SYK: variants seen among roughly 807,000 people sequenced by gnomAD.
The protein encoded by SYK is tyrosine-protein kinase SYK.
Under a neutral mutation model 77.8 loss-of-function variants are expected in SYK, and 16 were observed. The observed-to-expected ratio is 0.21, with a 90% CI of 0.14 to 0.31. The LOEUF is 0.31. SYK is among the 10% of genes least tolerant of loss of function. The pLI is 1.00. For missense variants in SYK, 529 were observed against 814.4 expected, an observed-to-expected ratio of 0.65 and a Z score of 4.26; for synonymous variants, 312 against 308.7, an observed-to-expected ratio of 1.01 and a Z score of -0.11.
chr9:90,864,937 C>A (rs536568786), intron 5 of SYK, 111 bp from the exon 6 acceptor site: 3 of 1,091,580 alleles, frequency 2.7e-6, no homozygotes, highest in Admixed American at 3.7e-5. Context: ...AAAGCGTGCT[C>A]ACTTCTCAAG....
Position 90,804,279 on chromosome 9 carries a change from A to G in SYK, c.-42+2386A>G, listed in dbSNP as rs560773046. ...AGAGTGGATGTCTCATCTTTGTAAT[A>G]TAATTTCAAACAGCATAGTTTCTGA... On this transcript the variant is annotated intron_variant, in intron 1 of 13. Coordinates refer to ENST00000375754, the MANE Select transcript of SYK (RefSeq NM_003177.7). Among the ~76,000 whole-genome samples, 57 of 152,358 alleles carry G rather than the reference A, an allele frequency of 3.7e-4. 1 individual carries two copies. Among genetic ancestry groups the G allele is most frequent in the African/African-American group, 1.3e-3 (56 of 41,586 alleles).
rs534490754 is a variant in SYK, at chr9:90,854,421, A to G, written c.579-7785A>G. Reference sequence around the variant, plus strand: ...GATCTGAGAGGCATGCATGTTGAAGAGTGAGTGAGGAGGATGGGAAGCCTG... The same window carrying G: ...GATCTGAGAGGCATGCATGTTGAAGGGTGAGTGAGGAGGATGGGAAGCCTG... On this transcript the variant is annotated intron_variant, in intron 3 of 13. Transcript: ENST00000375754. Among the ~76,000 whole-genome samples the G allele has an allele frequency of 2.6e-5, 4 of 152,150 alleles. No individual in the cohort carries two copies. The East Asian group carries it at 7.7e-4, about 29-fold the overall frequency.
intron 3 of SYK, among the ~76,000 whole-genome samples, chr9:90,859,890 GT>G (rs1827186502): frequency 6.6e-6 from 1 of 152,220 alleles, no homozygotes; most frequent in Non-Finnish European, 1.5e-5. Context: ...GTCTGTCTCA[GT>G]TTTTAACAAG....
intron 1 of SYK, among the ~76,000 whole-genome samples, chr9:90,840,085 G>A (rs1826237426): frequency 6.6e-6 from 1 of 152,162 alleles, no homozygotes; most frequent in Non-Finnish European, 1.5e-5. Flanking sequence ...AGTGGTCATG[G>A]ATATGGGCAG....
At chr9:90,844,447 A>G in intron 2 of SYK, 132 bp downstream of exon 2, 1 of 1,107,178 alleles carries the variant, frequency 9.0e-7, no homozygotes, top group Non-Finnish European at 1.2e-6. Context: ...CTTAAGCATC[A>G]ATTTTGGCCA....
At chr9:90,889,677 T>A (rs1828717588) in intron 13 of SYK, among the ~76,000 whole-genome samples, 1 of 152,254 alleles carries the variant, frequency 6.6e-6, no homozygotes, top group Non-Finnish European at 1.5e-5. Flanking sequence ...CTGCCCCTGC[T>A]GCTGCCGTGG....
At chr9:90,888,094 A>G (rs1463351031) in intron 12 of SYK, among the ~76,000 whole-genome samples, 1 of 152,236 alleles carries the variant, frequency 6.6e-6, no homozygotes, top group Non-Finnish European at 1.5e-5. Context: ...TTGTGTGTCA[A>G]CACATGTAAA....
chr9:90,851,590 T>C (rs2118697030), intron 3 of SYK, among the ~76,000 whole-genome samples: 1 of 152,036 alleles, frequency 6.6e-6, no homozygotes, highest in East Asian at 1.9e-4. Context: ...CCACGTTTGG[T>C]GGGTGAGGGT....
At chr9:90,827,927 T>G (rs1825713258) in intron 1 of SYK, among the ~76,000 whole-genome samples, 2 of 152,144 alleles carry the variant, frequency 1.3e-5, no homozygotes, top group African/African-American at 2.4e-5. Context: ...TATCTTGCAG[T>G]CCTGAGTCAC....
intron 13 of SYK, among the ~76,000 whole-genome samples, chr9:90,893,935 A>G (rs1828889246): frequency 6.6e-6 from 1 of 152,218 alleles, no homozygotes; most frequent in African/African-American, 2.4e-5. Context: ...AGGGCACTGC[A>G]TCACCCTCCT....
intron 3 of SYK, among the ~76,000 whole-genome samples, chr9:90,847,544 T>G (rs917981944): frequency 2.0e-5 from 3 of 152,216 alleles, no homozygotes; most frequent in African/African-American, 7.2e-5. Context: ...GTCCCACACC[T>G]TCCCGTGCTC....
chr9:90,817,462 T>A (rs1825328792), intron 1 of SYK, among the ~76,000 whole-genome samples: 1 of 152,242 alleles, frequency 6.6e-6, no homozygotes, highest in Non-Finnish European at 1.5e-5. Context: ...GCAGTGTTAA[T>A]ATCCATTCAT....
intron 4 of SYK, among the ~76,000 whole-genome samples, chr9:90,862,842 T>C (rs935679952): frequency 6.6e-6 from 1 of 152,124 alleles, no homozygotes; most frequent in African/African-American, 2.4e-5. Context: ...CAGGACTTTG[T>C]TGGTGGTGTG....
chr9:90,813,162 G>A (rs28439374), intron 1 of SYK, among the ~76,000 whole-genome samples: 1,956 of 152,126 alleles, frequency 0.013, 49 homozygotes, highest in African/African-American at 0.045. Context: ...TGAGAAGGAC[G>A]TAAGCAATTT....
chr9:90,824,999 T>C (rs1007504013), intron 1 of SYK, among the ~76,000 whole-genome samples: 1 of 151,660 alleles, frequency 6.6e-6, no homozygotes, highest in Non-Finnish European at 1.5e-5. Context: ...TAATAACCAA[T>C]AAGTGAGTCT....
chr9:90,846,021 G>T (rs1235614054), intron 3 of SYK, among the ~76,000 whole-genome samples: 1 of 152,206 alleles, frequency 6.6e-6, no homozygotes, highest in African/African-American at 2.4e-5. Context: ...CAGGAAAGAT[G>T]TTAAGGAAAA....
chr9:90,855,275 A>T (rs535898192), intron 3 of SYK, among the ~76,000 whole-genome samples: 2 of 152,328 alleles, frequency 1.3e-5, no homozygotes, highest in East Asian at 3.9e-4. Context: ...ACTGCAAAGG[A>T]TTAATAACAT....
chr9:90,818,606 C>A (rs1033085893), intron 1 of SYK, among the ~76,000 whole-genome samples: 2 of 152,224 alleles, frequency 1.3e-5, no homozygotes, highest in African/African-American at 2.4e-5. Flanking sequence ...TTAGTGACAG[C>A]AACCATAGGG....
intron 6 of SYK, among the ~76,000 whole-genome samples, chr9:90,865,908 T>A: frequency 7.4e-6 from 1 of 134,878 alleles, no homozygotes; most frequent in Non-Finnish European, 1.6e-5. Context: ...TTTTTTTTTT[T>A]TTTTTTTTGA....
Sources: allele counts gnomAD v4.1 joint callset (sites outside exome capture counted in the v4.1 genomes callset), GRCh38; gene constraint gnomAD v4.1.1; transcripts MANE v1.5; gene names NCBI Gene and HGNC (gene_info 2026-07-23, HGNC 2026-07-21).